The following CSMD1 variants were observed in gnomAD, a reference collection of about 807,000 sequenced individuals.
CSMD1 encodes CUB and Sushi multiple domains 1, also known as CUB and sushi domain-containing protein 1.
In CSMD1, 213 loss-of-function variants were observed where a neutral mutation model predicts 417.5. That is an observed-to-expected ratio of 0.51 (90% CI 0.46 to 0.57). CSMD1 has a LOEUF of 0.57. Ranked by LOEUF, CSMD1 falls within the 20% of genes least tolerant of loss-of-function variation. The pLI, the probability that CSMD1 is intolerant of heterozygous loss-of-function variation, is 0.00. For missense variants in CSMD1, 6,923 were observed against 4,529.7 expected (o/e 1.53, Z -15.17); for synonymous variants, 2,862 against 1,736.8 (o/e 1.65, Z -16.11).
chr8:4,339,413 C>G (rs1800351443), intron 3 of CSMD1, among the ~76,000 whole-genome samples: 1 of 152,046 alleles, frequency 6.6e-6, no homozygotes, highest in Non-Finnish European at 1.5e-5. Flanking sequence ...AGTCCAGGCT[C>G]TCTTTCATGT....
chr8:3,454,109 G>A (rs1585188518), intron 12 of CSMD1, among the ~76,000 whole-genome samples: 1 of 152,110 alleles, frequency 6.6e-6, no homozygotes, highest in South Asian at 2.1e-4. Context: ...TTTAAAGTCT[G>A]TTTTATCAGA....
intron 2 of CSMD1, among the ~76,000 whole-genome samples, chr8:4,617,057 T>G (rs1801510865): frequency 1.3e-5 from 2 of 152,108 alleles, no homozygotes; most frequent in South Asian, 4.1e-4. Context: ...TTTAATCTTA[T>G]TTTTATAAAT....
At chr8:3,339,274 C>G (rs969662811) in intron 23 of CSMD1, among the ~76,000 whole-genome samples, 1 of 151,988 alleles carries the variant, frequency 6.6e-6, no homozygotes, top group African/African-American at 2.4e-5. Flanking sequence ...TCTGTAATTC[C>G]TCATCCATTT....
At chr8:3,761,331 G>A (rs538846162) in intron 5 of CSMD1, among the ~76,000 whole-genome samples, 1 of 151,832 alleles carries the variant, frequency 6.6e-6, no homozygotes, top group East Asian at 1.9e-4. Flanking sequence ...TATTTACATA[G>A]TTACCAATAT....
chr8:3,840,107 G>T (rs893779788), intron 5 of CSMD1, among the ~76,000 whole-genome samples: 1 of 151,980 alleles, frequency 6.6e-6, no homozygotes, highest in Non-Finnish European at 1.5e-5. Flanking sequence ...TTTCTTAATT[G>T]TTAAAAAGAC....
intron 7 of CSMD1, among the ~76,000 whole-genome samples, chr8:3,701,669 T>C (rs183828315): frequency 3.5e-4 from 54 of 152,348 alleles, no homozygotes; most frequent in Admixed American, 1.4e-3. Flanking sequence ...TTTTCTGAAG[T>C]ATATTTTGCA....
chr8:3,817,684 TC>T (rs908037556), intron 5 of CSMD1, among the ~76,000 whole-genome samples: 8 of 152,142 alleles, frequency 5.3e-5, no homozygotes, highest in Non-Finnish European at 1.2e-4. Context: ...AATGGAACTT[TC>T]CACTTCTCTA....
chr8:3,774,175 C>G (rs1050832334), intron 5 of CSMD1, among the ~76,000 whole-genome samples: 1 of 152,148 alleles, frequency 6.6e-6, no homozygotes. Context: ...CCTTTTGTGA[C>G]CTGCACCGCC....
intron 51 of CSMD1, among the ~76,000 whole-genome samples, chr8:3,023,691 A>G (rs1278688917): frequency 2.0e-5 from 3 of 152,146 alleles, no homozygotes; most frequent in Admixed American, 6.5e-5. Context: ...GTTGTCATGA[A>G]TGTGATTAAT....
At chr8:4,533,258 G>C (rs1254086325) in intron 2 of CSMD1, among the ~76,000 whole-genome samples, 2 of 152,216 alleles carry the variant, frequency 1.3e-5, no homozygotes, top group Non-Finnish European at 2.9e-5. Flanking sequence ...GACTTTGGTA[G>C]AGACGGCCGC....
chr8:4,462,188 G>A (rs1051084489), intron 2 of CSMD1, among the ~76,000 whole-genome samples: 2 of 152,054 alleles, frequency 1.3e-5, no homozygotes, highest in African/African-American at 4.8e-5. Flanking sequence ...AAAAGCAATT[G>A]TATTTATCCA....
chr8:3,312,969 T>A (rs1021713358), intron 23 of CSMD1, among the ~76,000 whole-genome samples: 4 of 152,212 alleles, frequency 2.6e-5, no homozygotes, highest in Admixed American at 2.6e-4. Context: ...TAGAATATAA[T>A]CATTGTTTCC....
At chr8:4,831,822 C>G (rs1437445100) in intron 1 of CSMD1, among the ~76,000 whole-genome samples, 2 of 152,156 alleles carry the variant, frequency 1.3e-5, no homozygotes, top group Non-Finnish European at 2.9e-5. Flanking sequence ...CACCCCCTCC[C>G]CTGACACTCA....
At chr8:4,308,928 C>T (rs952273723) in intron 3 of CSMD1, among the ~76,000 whole-genome samples, 2 of 152,112 alleles carry the variant, frequency 1.3e-5, no homozygotes, top group Non-Finnish European at 1.5e-5. Context: ...CCATTTATTT[C>T]TCCTTTTTTA....
intron 6 of CSMD1, among the ~76,000 whole-genome samples, chr8:3,728,088 T>G (rs757622499): frequency 2.0e-5 from 3 of 152,114 alleles, no homozygotes; most frequent in Non-Finnish European, 4.4e-5. Flanking sequence ...CACCCAAATC[T>G]CATCTTGAAT....
At chr8:4,087,477 C>G (rs1054785605) in intron 3 of CSMD1, among the ~76,000 whole-genome samples, 5 of 152,130 alleles carry the variant, frequency 3.3e-5, no homozygotes, top group Non-Finnish European at 1.5e-5. Context: ...CTTTTCTTTC[C>G]AAACCACCTG....
chr8:3,376,387 G>A (rs1256053862), intron 18 of CSMD1, among the ~76,000 whole-genome samples: 1 of 151,932 alleles, frequency 6.6e-6, no homozygotes, highest in Admixed American at 6.6e-5. Context: ...ATCTCATGGT[G>A]ACACAGACTT....
intron 3 of CSMD1, among the ~76,000 whole-genome samples, chr8:4,186,606 C>CT (rs568325307): frequency 1.6e-4 from 25 of 152,278 alleles, no homozygotes; most frequent in South Asian, 1.2e-3. Flanking sequence ...ATCAGCCCCT[C>CT]TCTCAATCTT....
At chr8:3,537,644 CATTT>C (rs1331796265) in intron 10 of CSMD1, among the ~76,000 whole-genome samples, 73 of 152,242 alleles carry the variant, frequency 4.8e-4, no homozygotes, top group African/African-American at 1.7e-3. Flanking sequence ...TATGTAGCAT[CATTT>C]ATTTCAGGCA....
Sources: allele counts gnomAD v4.1 joint callset (sites outside exome capture counted in the v4.1 genomes callset), GRCh38; gene constraint gnomAD v4.1.1; transcripts MANE v1.5; gene names NCBI Gene and HGNC (gene_info 2026-07-23, HGNC 2026-07-21).